The following COP1 variants were observed in gnomAD, a reference collection of about 807,000 sequenced individuals.
COP1 encodes the protein COP1 E3 ubiquitin ligase.
COP1 carries 24 observed loss-of-function variants against 101.3 expected under a neutral mutation model. That is an observed-to-expected ratio of 0.24 (90% CI 0.17 to 0.33). The LOEUF (loss-of-function observed/expected upper bound fraction) is 0.33, where lower values mean the gene tolerates loss of function less well. COP1 is among the 10% of genes least tolerant of loss of function. COP1 has a pLI of 1.00. For missense variants in COP1, 663 were observed against 906.2 expected (o/e 0.73, Z 3.45); for synonymous variants, 347 against 341.9 (o/e 1.01, Z -0.17).
chr1:175,990,906 A>AG (rs1658267630), intron 15 of COP1, among the ~76,000 whole-genome samples: 2 of 146,080 alleles, frequency 1.4e-5, no homozygotes, highest in South Asian at 4.3e-4. Flanking sequence ...CTGGATTCTA[A>AG]TTTTTTTTTT....
intron 15 of COP1, among the ~76,000 whole-genome samples, chr1:176,019,706 T>C (rs1203117224): frequency 1.3e-5 from 2 of 151,302 alleles, no homozygotes; most frequent in Non-Finnish European, 2.9e-5. Context: ...CCAAAAAATA[T>C]GAACATTAGC....
intron 18 of COP1, among the ~76,000 whole-genome samples, chr1:175,959,601 A>G (rs544008950): frequency 6.6e-6 from 1 of 152,250 alleles, no homozygotes; most frequent in South Asian, 2.1e-4. Context: ...AGAGTTTAGC[A>G]AGATGGTTGG....
chr1:175,957,162 T>C (rs1280597089), intron 18 of COP1, among the ~76,000 whole-genome samples: 1 of 151,478 alleles, frequency 6.6e-6, no homozygotes, highest in Non-Finnish European at 1.5e-5. Context: ...TAAAATAAAT[T>C]AGTGTAGCTT....
At chr1:176,101,045 G>A (rs938314848) in intron 9 of COP1, among the ~76,000 whole-genome samples, 4 of 152,260 alleles carry the variant, frequency 2.6e-5, no homozygotes, top group African/African-American at 9.6e-5. Context: ...TAAAGGTCAC[G>A]CTACTATCCA....
intron 9 of COP1, among the ~76,000 whole-genome samples, chr1:176,088,697 G>A (rs1680678249): frequency 6.6e-6 from 1 of 152,120 alleles, no homozygotes; most frequent in Admixed American, 6.5e-5. Context: ...GTTCTTAGCT[G>A]TAAGAAATAT....
At chr1:176,006,833 T>C (rs1487816405) in intron 15 of COP1, among the ~76,000 whole-genome samples, 2 of 151,908 alleles carry the variant, frequency 1.3e-5, no homozygotes, top group Non-Finnish European at 2.9e-5. Context: ...TGTCTTGGAG[T>C]TGCTCTTCTC....
At chr1:176,134,217 A>C (rs1689428173) in intron 8 of COP1, among the ~76,000 whole-genome samples, 1 of 152,010 alleles carries the variant, frequency 6.6e-6, no homozygotes, top group Admixed American at 6.6e-5. Context: ...ATTACCTAAA[A>C]CTATTTGTCT....
intron 9 of COP1, among the ~76,000 whole-genome samples, chr1:176,106,088 T>C (rs1043540848): frequency 5.3e-5 from 8 of 152,204 alleles, no homozygotes; most frequent in Admixed American, 3.3e-4. Context: ...TGGACTGTGG[T>C]GGCGTGTGCT....
chr1:176,058,578 T>A (rs570928740), intron 11 of COP1, among the ~76,000 whole-genome samples: 13 of 152,088 alleles, frequency 8.5e-5, no homozygotes, highest in Non-Finnish European at 1.6e-4. Context: ...TTAAGAGTCA[T>A]CACCACTCCC....
chr1:176,087,455 C>T (rs145031057), intron 9 of COP1, among the ~76,000 whole-genome samples: 1 of 152,058 alleles, frequency 6.6e-6, no homozygotes, highest in Non-Finnish European at 1.5e-5. Context: ...GGTATGAACA[C>T]ACACTTCTCA....
Position 176,053,471 on chromosome 1 carries a change from C to A in COP1, c.1278-7147G>T, listed in dbSNP as rs111473562. Among the ~76,000 whole-genome samples, 399 of 152,244 alleles carry A rather than the reference C, an allele frequency of 2.6e-3. 3 individuals carry two copies. The highest frequency in any genetic ancestry group is 9.2e-3 in the African/African-American group (381 of 41,538). The stretch of plus-strand genomic sequence containing the variant: ...CATTTTCTTAAAAATTATTCCTTGC[C>A]TAATTGTTAATTATTTTAATAACTA... On this transcript the variant is annotated intron_variant, in intron 11 of 19. Coordinates refer to ENST00000367669, the MANE Select transcript of COP1 (RefSeq NM_022457.7).
chr1:175,960,516 A>G (rs1275017326), intron 18 of COP1, among the ~76,000 whole-genome samples: 1 of 152,218 alleles, frequency 6.6e-6, no homozygotes, highest in Non-Finnish European at 1.5e-5. Flanking sequence ...AAGGGGCAGG[A>G]AGCAAAACAG....
At chr1:175,965,449 CTG>C (rs1453939294) in intron 18 of COP1, among the ~76,000 whole-genome samples, 2 of 152,158 alleles carry the variant, frequency 1.3e-5, no homozygotes, top group African/African-American at 2.4e-5. Flanking sequence ...TATTGGGCCA[CTG>C]TTGATTTCCT....
At chr1:176,178,996 T>A (rs566465901) in intron 2 of COP1, among the ~76,000 whole-genome samples, 73 of 150,226 alleles carry the variant, frequency 4.9e-4, no homozygotes, top group Middle Eastern at 3.5e-3. Context: ...TTTTTTTTTT[T>A]AAAAAAAGAC....
chr1:176,155,731 A>C (rs1326486075), intron 5 of COP1, among the ~76,000 whole-genome samples: 1 of 152,114 alleles, frequency 6.6e-6, no homozygotes, highest in African/African-American at 2.4e-5. Context: ...ATTGCTGAAA[A>C]CCAATGTCAG....
At chr1:176,187,401 ACG>A (rs752211048) in intron 1 of COP1, among the ~76,000 whole-genome samples, 2 of 54,326 alleles carry the variant, frequency 3.7e-5, no homozygotes, top group Non-Finnish European at 8.2e-5. Flanking sequence ...ATATAAATAT[ACG>A]TGTGTGTGTG....
intron 9 of COP1, among the ~76,000 whole-genome samples, chr1:176,093,568 G>A (rs981993087): frequency 4.6e-5 from 7 of 152,002 alleles, no homozygotes; most frequent in East Asian, 1.9e-4. Flanking sequence ...GGCCAGGTGC[G>A]GTGGCTCACA....
chr1:176,193,871 T>C (rs1572787540), intron 1 of COP1, among the ~76,000 whole-genome samples: 1 of 152,136 alleles, frequency 6.6e-6, no homozygotes, highest in Non-Finnish European at 1.5e-5. Flanking sequence ...TAGACAGTGG[T>C]GATGGTTGTG....
intron 9 of COP1, among the ~76,000 whole-genome samples, chr1:176,092,067 C>T (rs1199121939): frequency 6.6e-6 from 1 of 152,136 alleles, no homozygotes; most frequent in African/African-American, 2.4e-5. Flanking sequence ...AGAGCCTTAA[C>T]ATTTTTCAGG....
Sources: allele counts gnomAD v4.1 joint callset (sites outside exome capture counted in the v4.1 genomes callset), GRCh38; gene constraint gnomAD v4.1.1; transcripts MANE v1.5; gene names NCBI Gene and HGNC (gene_info 2026-07-23, HGNC 2026-07-21).